The following TMEM272 variants were observed in gnomAD, a reference collection of about 807,000 sequenced individuals.
The protein encoded by TMEM272 is transmembrane protein 272, also known as long intergenic non-protein coding RNA 282.
TMEM272 carries 8 observed loss-of-function variants against 3.7 expected under a neutral mutation model. That is an observed-to-expected ratio of 2.17 (90% CI 1.27 to 3.91). The LOEUF is 3.91. TMEM272 is among the 30% of genes most tolerant of loss of function. TMEM272 has a pLI of 0.00. For synonymous variants in TMEM272, 63 were observed against 39.8 expected (o/e 1.58, Z -2.20); for missense variants, 166 against 91.5 (o/e 1.81, Z -3.32).
At chr13:51,916,051 TGACAGAGGGA>T in the TMEM272 span, among the ~76,000 whole-genome samples, 1 of 152,060 alleles carries the variant, frequency 6.6e-6, no homozygotes, top group African/African-American at 2.4e-5. Flanking sequence ...CCAGCCTGGG[TGACAGAGGGA>T]GACCTCTTCT....
the TMEM272 span, among the ~76,000 whole-genome samples, chr13:51,885,247 T>C: frequency 6.6e-6 from 1 of 152,218 alleles, no homozygotes; most frequent in African/African-American, 2.4e-5. Context: ...ATATATAGCA[T>C]GTATTAATCC....
chr13:51,837,645 T>C (rs558584936), intron 2 of TMEM272, among the ~76,000 whole-genome samples: 3 of 152,352 alleles, frequency 2.0e-5, no homozygotes, highest in African/African-American at 7.2e-5. Context: ...ATTGAGCTCC[T>C]ACTGTGTGTC....
the TMEM272 span, among the ~76,000 whole-genome samples, chr13:51,903,279 C>G: frequency 2.0e-5 from 3 of 152,162 alleles, no homozygotes; most frequent in African/African-American, 7.2e-5. Flanking sequence ...AAAGTGCTTG[C>G]AAATATAGAA....
At chr13:51,909,654 T>C in the TMEM272 span, 6 of 1,523,480 alleles carry the variant, frequency 3.9e-6, no homozygotes, top group South Asian at 6.7e-5. Context: ...TAAAGAAGCA[T>C]TTAACTTAGC....
chr13:51,920,223 A>G, the TMEM272 span, among the ~76,000 whole-genome samples: 19 of 151,902 alleles, frequency 1.3e-4, no homozygotes, highest in Non-Finnish European at 2.4e-4. Context: ...AACGGGTCTG[A>G]TAACAGCTAG....
chr13:51,861,550 C>T, the TMEM272 span, among the ~76,000 whole-genome samples: 1 of 151,966 alleles, frequency 6.6e-6, no homozygotes, highest in Non-Finnish European at 1.5e-5. Flanking sequence ...ATTATCTAAT[C>T]TAAGCAACAG....
intron 2 of TMEM272, among the ~76,000 whole-genome samples, chr13:51,838,013 A>T (rs1956230321): frequency 6.6e-6 from 1 of 152,322 alleles, no homozygotes; most frequent in Admixed American, 6.5e-5. Flanking sequence ...CACAAGACAG[A>T]CTGGGTCTTC....
chr13:51,897,136 C>T, the TMEM272 span, among the ~76,000 whole-genome samples: 2 of 152,322 alleles, frequency 1.3e-5, no homozygotes, highest in East Asian at 3.9e-4. Flanking sequence ...CAGAGGAGCC[C>T]CAAGTTTCAG....
chr13:51,857,545 A>G, the TMEM272 span, among the ~76,000 whole-genome samples: 1 of 152,298 alleles, frequency 6.6e-6, no homozygotes, highest in Middle Eastern at 3.4e-3. Context: ...TTCTAGCATT[A>G]TCAGAGAAAC....
At chr13:51,831,109 G>A (rs566219215) in intron 2 of TMEM272, among the ~76,000 whole-genome samples, 14 of 152,112 alleles carry the variant, frequency 9.2e-5, no homozygotes, top group Non-Finnish European at 2.1e-4. Flanking sequence ...TACAAATGGC[G>A]CCTGGAAATC....
upstream of TMEM272, among the ~76,000 whole-genome samples, chr13:51,848,476 T>C (rs1472562022): frequency 6.6e-6 from 1 of 152,176 alleles, no homozygotes; most frequent in Non-Finnish European, 1.5e-5. Flanking sequence ...TGCTTGTCTT[T>C]AGTTGAGGTG....
intron 1 of TMEM272, among the ~76,000 whole-genome samples, chr13:51,844,434 C>T (rs561860353): frequency 6.6e-6 from 1 of 152,280 alleles, no homozygotes; most frequent in South Asian, 2.1e-4. Flanking sequence ...ACAAACATTT[C>T]GGGTGCTCAG....
the TMEM272 span, chr13:51,932,560 T>C: frequency 6.6e-6 from 1 of 152,046 alleles, no homozygotes; most frequent in African/African-American, 2.4e-5. Context: ...TAAAATCCTA[T>C]CCTCCTCTGC....
At chr13:51,826,137 GCAAA>G (rs1956122969) in intron 3 of TMEM272, among the ~76,000 whole-genome samples, 1 of 69,972 alleles carries the variant, frequency 1.4e-5, no homozygotes, top group African/African-American at 7.1e-5. Flanking sequence ...CATTCATTCA[GCAAA>G]AAAAAAAAAA....
chr13:51,864,184 T>G, the TMEM272 span, among the ~76,000 whole-genome samples: 2 of 151,056 alleles, frequency 1.3e-5, no homozygotes, highest in African/African-American at 4.9e-5. Context: ...TGAAATATAC[T>G]GTATTGACTG....
chr13:51,858,050 G>T, the TMEM272 span, among the ~76,000 whole-genome samples: 2 of 152,072 alleles, frequency 1.3e-5, no homozygotes, highest in Non-Finnish European at 2.9e-5. Flanking sequence ...AATATGCCAA[G>T]AAAATATAAC....
chr13:51,819,388 T>C (rs1349136650), intron 4 of TMEM272, among the ~76,000 whole-genome samples: 1 of 152,132 alleles, frequency 6.6e-6, no homozygotes, highest in African/African-American at 2.4e-5. Context: ...TCAGATGCAT[T>C]TCCCTTCCTT....
chr13:51,905,400 A>T, the TMEM272 span, among the ~76,000 whole-genome samples: 1 of 152,322 alleles, frequency 6.6e-6, no homozygotes, highest in South Asian at 2.1e-4. Flanking sequence ...CCAGTCAGGG[A>T]GATGCCACTG....
At chr13:51,818,560 T>C (rs1255073822) in intron 4 of TMEM272, among the ~76,000 whole-genome samples, 1 of 152,186 alleles carries the variant, frequency 6.6e-6, no homozygotes, top group Admixed American at 6.5e-5. Context: ...GGCAAAGCGC[T>C]TGACATACAT....
Sources: gnomAD v4.1 joint callset for allele counts (sites outside exome capture counted in the v4.1 genomes callset) on GRCh38, gnomAD v4.1.1 for gene constraint, MANE v1.5 for transcripts, NCBI Gene and HGNC (gene_info 2026-07-23, HGNC 2026-07-21) for gene names.